The following CELF1 variants were observed in gnomAD, a reference collection of about 807,000 sequenced individuals.
CELF1 encodes 50 kDa nuclear polyadenylated RNA-binding protein.
A neutral mutation model predicts 61.8 loss-of-function variants in CELF1; 10 were observed. The ratio of observed to expected loss-of-function variants is 0.16; its 90% CI spans 0.10 to 0.27. The LOEUF (loss-of-function observed/expected upper bound fraction) is 0.27, where lower values mean the gene tolerates loss of function less well. Among genes scored for constraint, CELF1 ranks in the 10% least tolerant of loss-of-function variants. The pLI, the probability that CELF1 is intolerant of heterozygous loss-of-function variation, is 1.00. For synonymous variants in CELF1, 236 were observed against 225.1 expected (o/e 1.05, Z -0.43); for missense variants, 380 against 639.1 (o/e 0.59, Z 4.37).
chr11:47,491,522 A>G (rs1245727816), intron 3 of CELF1, among the ~76,000 whole-genome samples: 5 of 152,200 alleles, frequency 3.3e-5, no homozygotes, highest in African/African-American at 1.2e-4. Flanking sequence ...TGACTCTAGC[A>G]CTATCTAAAT....
intron 13 of CELF1, among the ~76,000 whole-genome samples, chr11:47,474,505 C>G (rs1361476819): frequency 6.6e-6 from 1 of 152,260 alleles, no homozygotes; most frequent in African/African-American, 2.4e-5. Flanking sequence ...AGAGGATCAT[C>G]TGAAACACCT....
intron 3 of CELF1, among the ~76,000 whole-genome samples, chr11:47,495,770 T>C (rs1283160687): frequency 6.6e-6 from 1 of 152,188 alleles, no homozygotes; most frequent in Non-Finnish European, 1.5e-5. Flanking sequence ...AAGAAAGCCC[T>C]TTCATATATG....
At chr11:47,557,226 GT>G (rs777550147), upstream of CELF1, among the ~76,000 whole-genome samples, 3 of 137,794 alleles carry the variant, frequency 2.2e-5, no homozygotes, top group Admixed American at 7.3e-5. Context: ...GTTTTGTTTT[GT>G]TTTTTTTTTG....
At chr11:47,550,884 G>A (rs951060479) in intron 1 of CELF1, among the ~76,000 whole-genome samples, 1 of 152,082 alleles carries the variant, frequency 6.6e-6, no homozygotes, top group Admixed American at 6.6e-5. Flanking sequence ...AATAAACTGA[G>A]GAGCAGAACA....
At position 47,486,788 on chromosome 11, in the gene CELF1, G is replaced by C. The variant is rs185362740; in HGVS notation, c.353C>G (p.Pro118Arg). The C allele has an allele frequency of 6.2e-7, 1 of 1,610,198 alleles. No homozygotes were observed. Among genetic ancestry groups the C allele is most frequent in the Non-Finnish European group, 8.5e-7 (1 of 1,176,468 alleles). The stretch of plus-strand genomic sequence containing the variant: ...ACTGTCAGCAGGTTTCATCTGTATA[G>C]GGTGATGCATCTGAAAAGGAAAAAT... ...NMKVLPGMHH[P>R]IQMKPADSEK... is the part of the protein sequence containing the mutation. The change falls in exon 6 of 15, where the codon CCT becomes CGT. Residue 118 changes from proline (P) to arginine (R), a missense_variant. Physicochemically the swap from Pro to Arg is moderately radical, Grantham distance 103. Coordinates refer to ENST00000687097, the MANE Select transcript of CELF1 (RefSeq NM_001376376.1).
intron 4 of CELF1, among the ~76,000 whole-genome samples, chr11:47,488,520 C>T (rs765699831): frequency 3.3e-5 from 5 of 152,174 alleles, no homozygotes; most frequent in African/African-American, 7.2e-5. Flanking sequence ...AAGACACTCA[C>T]GTGAGTCTGT....
At chr11:47,558,601 T>C (rs1219906020) in intron 2 of CELF1, among the ~76,000 whole-genome samples, 10 of 107,368 alleles carry the variant, frequency 9.3e-5, no homozygotes, top group Non-Finnish European at 9.0e-5. Flanking sequence ...ATATTATATA[T>C]GTATAAAATA....
intron 1 of CELF1, among the ~76,000 whole-genome samples, chr11:47,537,985 T>C (rs2096672885): frequency 6.6e-6 from 1 of 151,892 alleles, no homozygotes; most frequent in Non-Finnish European, 1.5e-5. Flanking sequence ...ATTGGCACAA[T>C]GATAGCTTTC....
intron 1 of CELF1, among the ~76,000 whole-genome samples, chr11:47,505,515 C>G (rs1318733245): frequency 6.6e-6 from 1 of 150,636 alleles, no homozygotes. Context: ...TGGTGGCAGG[C>G]AGCTGTAGTC....
At chr11:47,528,200 A>G (rs2096324780) in intron 1 of CELF1, among the ~76,000 whole-genome samples, 1 of 151,942 alleles carries the variant, frequency 6.6e-6, no homozygotes, top group Admixed American at 6.6e-5. Context: ...AAATGACTAT[A>G]AACACGTAAA....
chr11:47,511,511 T>C (rs1461817651), intron 1 of CELF1, among the ~76,000 whole-genome samples: 2 of 152,238 alleles, frequency 1.3e-5, no homozygotes, highest in Non-Finnish European at 2.9e-5. Context: ...TAAATGTGCA[T>C]CTTCAAATTG....
intron 1 of CELF1, among the ~76,000 whole-genome samples, chr11:47,516,603 T>C (rs1021339281): frequency 7.5e-5 from 11 of 147,528 alleles, no homozygotes; most frequent in African/African-American, 2.0e-4. Context: ...AATATTCTCT[T>C]TTTTTTTTTT....
At chr11:47,504,992 C>T (rs2094361226) in intron 1 of CELF1, among the ~76,000 whole-genome samples, 1 of 151,130 alleles carries the variant, frequency 6.6e-6, no homozygotes, top group Admixed American at 6.6e-5. Context: ...GTACAAGTTG[C>T]CTTGCCTGTA....
chr11:47,496,187 G>GAAACACCCC (rs2093060463), intron 3 of CELF1, among the ~76,000 whole-genome samples: 2 of 152,306 alleles, frequency 1.3e-5, no homozygotes, highest in Admixed American at 1.3e-4. Context: ...TTGGATAAAG[G>GAAACACCCC]TCAATCTTCC....
intron 9 of CELF1, among the ~76,000 whole-genome samples, chr11:47,480,966 G>A (rs2082669661): frequency 2.0e-5 from 3 of 151,722 alleles, no homozygotes; most frequent in Admixed American, 2.0e-4. Flanking sequence ...TTGCGCCACT[G>A]TTTTCCAACC....
At chr11:47,549,827 T>G (rs1030053793) in intron 1 of CELF1, among the ~76,000 whole-genome samples, 2 of 151,622 alleles carry the variant, frequency 1.3e-5, no homozygotes, top group Non-Finnish European at 2.9e-5. Flanking sequence ...TTTGTTTTTT[T>G]TTTTTCTGAG....
intron 3 of CELF1, among the ~76,000 whole-genome samples, chr11:47,492,557 C>T (rs1373910321): frequency 1.3e-5 from 2 of 152,062 alleles, no homozygotes; most frequent in Admixed American, 6.6e-5. Flanking sequence ...TGGTAAACTC[C>T]GTCTCTACCA....
chr11:47,508,786 T>C (rs2094778749), intron 1 of CELF1, among the ~76,000 whole-genome samples: 1 of 152,282 alleles, frequency 6.6e-6, no homozygotes, highest in South Asian at 2.1e-4. Context: ...AAAGGCTGTT[T>C]TGAGACGGAG....
intron 13 of CELF1, 104 bp from the exon 14 acceptor site, chr11:47,473,335 TA>T: frequency 1.8e-6 from 2 of 1,081,318 alleles, no homozygotes; most frequent in Non-Finnish European, 2.7e-6. Flanking sequence ...TCACAATCCC[TA>T]AAAACAGAGA....
Sources: allele counts gnomAD v4.1 joint callset (sites outside exome capture counted in the v4.1 genomes callset), GRCh38; gene constraint gnomAD v4.1.1; transcripts MANE v1.5; gene names NCBI Gene and HGNC (gene_info 2026-07-23, HGNC 2026-07-21).